HNRNPC: variants seen among roughly 807,000 people sequenced by gnomAD.
The protein encoded by HNRNPC is heterogeneous nuclear ribonucleoproteins C1/C2.
HNRNPC carries 3 observed loss-of-function variants against 33.2 expected under a neutral mutation model. The observed-to-expected ratio is 0.09, with a 90% CI of 0.04 to 0.23. HNRNPC has a LOEUF of 0.23. Among genes scored for constraint, HNRNPC ranks in the 10% least tolerant of loss-of-function variants. HNRNPC has a pLI of 1.00. For synonymous variants in HNRNPC, 121 were observed against 126.7 expected, an observed-to-expected ratio of 0.96 and a Z score of 0.30; for missense variants, 143 against 366.7, an observed-to-expected ratio of 0.39 and a Z score of 4.98.
At position 21,239,508 on chromosome 14, in the gene HNRNPC, C is replaced by A. The variant is rs1008958990; in HGVS notation, c.-36-5279G>T. ...AAAAAATGTCCTCAACAAATGAGAA[C>A]CTTAGGTGCTATTTCTTTCTTAAAC... On this transcript the variant is annotated intron_variant, in intron 2 of 8. Coordinates refer to ENST00000553300, the MANE Select transcript of HNRNPC (RefSeq NM_004500.4). Among the ~76,000 whole-genome samples, 6 of 151,802 alleles carry A rather than the reference C, an allele frequency of 4.0e-5. No individual in the cohort carries two copies. The South Asian group carries it at 1.2e-3, about 32-fold the overall frequency.
chr14:21,221,053 C>CTCCTGCCTCAGCAATAGAGCAAGA (rs1892776606), intron 5 of HNRNPC, among the ~76,000 whole-genome samples: 1 of 152,170 alleles, frequency 6.6e-6, no homozygotes, highest in Non-Finnish European at 1.5e-5. Context: ...TGCCACTGCA[C>CTCCTGCCTCAGCAATAGAGCAAGA]TCCTGCCTCA....
intron 1 of HNRNPC, among the ~76,000 whole-genome samples, chr14:21,265,715 G>A (rs11156907): frequency 6.6e-6 from 1 of 152,020 alleles, no homozygotes; most frequent in Non-Finnish European, 1.5e-5. Flanking sequence ...GAGGCAGAGG[G>A]TGCAGTGAGC....
intron 3 of HNRNPC, chr14:21,231,448 C>T (rs1323181360): frequency 6.6e-6 from 3 of 454,980 alleles, no homozygotes; most frequent in African/African-American, 2.0e-5. Context: ...CCTAGACCTC[C>T]GAAGCTCAGG....
At chr14:21,227,583 T>C (rs999987363) in intron 5 of HNRNPC, among the ~76,000 whole-genome samples, 4 of 152,362 alleles carry the variant, frequency 2.6e-5, no homozygotes, top group South Asian at 4.1e-4. Flanking sequence ...TCAAACCTAA[T>C]ATATTGTTGT....
At chr14:21,267,935 T>C (rs951157324) in intron 1 of HNRNPC, among the ~76,000 whole-genome samples, 3 of 152,220 alleles carry the variant, frequency 2.0e-5, no homozygotes, top group African/African-American at 7.2e-5. Context: ...TGTAATAATA[T>C]ACATGTTTAA....
chr14:21,246,721 A>G (rs1896017848), intron 2 of HNRNPC, among the ~76,000 whole-genome samples: 1 of 152,208 alleles, frequency 6.6e-6, no homozygotes, highest in Non-Finnish European at 1.5e-5. Flanking sequence ...CTGTCAACAC[A>G]TACAGGAACA....
chr14:21,234,908 A>G (rs906973435), intron 2 of HNRNPC: 2 of 145,046 alleles, frequency 1.4e-5, no homozygotes, highest in African/African-American at 2.4e-5. Flanking sequence ...TACAGACTGC[A>G]ATGACTCGAA....
intron 5 of HNRNPC, among the ~76,000 whole-genome samples, chr14:21,225,186 C>T (rs1485862905): frequency 2.6e-5 from 4 of 151,380 alleles, no homozygotes; most frequent in South Asian, 4.2e-4. Context: ...TTTGGGAGGG[C>T]GAGGTGGGCA....
At chr14:21,244,104 C>G (rs1895674532) in intron 2 of HNRNPC, among the ~76,000 whole-genome samples, 1 of 151,940 alleles carries the variant, frequency 6.6e-6, no homozygotes, top group South Asian at 2.1e-4. Context: ...TCTTCGATCA[C>G]TGCAACCTCT....
intron 6 of HNRNPC, chr14:21,212,136 C>CT (rs1427971831): frequency 4.1e-6 from 2 of 485,968 alleles, no homozygotes; most frequent in East Asian, 7.3e-5. Flanking sequence ...TAGATCAGGG[C>CT]TGTCGCTATG....
chr14:21,246,141 A>C (rs1895954453), intron 2 of HNRNPC, among the ~76,000 whole-genome samples: 1 of 152,064 alleles, frequency 6.6e-6, no homozygotes, highest in Non-Finnish European at 1.5e-5. Context: ...TTATAATCTT[A>C]AGGGGCCATA....
At position 21,234,227 on chromosome 14, in the gene HNRNPC, A is replaced by G; in HGVS notation, c.-34T>C. 6.2e-7 allele frequency: 1 copy of G among 1,607,754 alleles called. No homozygotes were observed. The highest frequency in any genetic ancestry group is 8.5e-7 in the Non-Finnish European group (1 of 1,176,564). Reference sequence around the variant, plus strand: ...ATGGTAAGGTTTCTCACAAAGCCGAAAACTGTAAAGCAAAAAAAAGTATAC... The same window carrying G: ...ATGGTAAGGTTTCTCACAAAGCCGAGAACTGTAAAGCAAAAAAAAGTATAC... On this transcript the variant is annotated splice_region_variant and 5_prime_UTR_variant, in exon 3 of 9. Transcript: ENST00000553300.
chr14:21,227,203 T>C (rs1261931383), intron 5 of HNRNPC, among the ~76,000 whole-genome samples: 37 of 151,624 alleles, frequency 2.4e-4, no homozygotes, highest in Non-Finnish European at 2.5e-4. Flanking sequence ...CTCTCCCCAC[T>C]AAACAAACAC....
At chr14:21,227,522 G>A (rs1446685337) in intron 5 of HNRNPC, among the ~76,000 whole-genome samples, 1 of 152,036 alleles carries the variant, frequency 6.6e-6, no homozygotes, top group Admixed American at 6.5e-5. Flanking sequence ...AAATAATTGC[G>A]GTTTTGCTTT....
chr14:21,211,088 G>T lies in HNRNPC; in HGVS notation c.*135C>A. The T allele has an allele frequency of 2.0e-6, 2 of 976,194 alleles. No individual in the cohort carries two copies. The highest frequency in any genetic ancestry group is 3.1e-6 in the Non-Finnish European group (2 of 640,976). 60.5% of individuals were successfully genotyped at this position (976,194 alleles called of 1,614,324 possible). ...GGGGCAATATGAATTAATGAACATG[G>T]GAAGGACAAGGATGGGGAGAACAGT... On this transcript the variant is annotated 3_prime_UTR_variant, in exon 9 of 9. Transcript: ENST00000553300.
At chr14:21,248,636 A>G (rs1896271043) in intron 2 of HNRNPC, among the ~76,000 whole-genome samples, 1 of 152,238 alleles carries the variant, frequency 6.6e-6, no homozygotes, top group Non-Finnish European at 1.5e-5. Flanking sequence ...CTAAAGGTAT[A>G]TGAAGATTAA....
At chr14:21,238,722 A>T (rs1895013238) in intron 2 of HNRNPC, among the ~76,000 whole-genome samples, 1 of 152,046 alleles carries the variant, frequency 6.6e-6, no homozygotes, top group Non-Finnish European at 1.5e-5. Flanking sequence ...TCTTTTTTTA[A>T]TGCAAGCTAA....
chr14:21,260,788 C>A (rs1203104534), intron 2 of HNRNPC, among the ~76,000 whole-genome samples: 2 of 151,908 alleles, frequency 1.3e-5, no homozygotes, highest in Non-Finnish European at 2.9e-5. Context: ...CATGGTGAAA[C>A]CTCGTCACTA....
At chr14:21,254,428 G>C (rs187075155) in intron 2 of HNRNPC, 5 of 151,932 alleles carry the variant, frequency 3.3e-5, no homozygotes, top group African/African-American at 1.2e-4. Flanking sequence ...GTTTATATAA[G>C]CCCCAAAAAG....
Sources: gnomAD v4.1 joint callset for allele counts (sites outside exome capture counted in the v4.1 genomes callset) on GRCh38, gnomAD v4.1.1 for gene constraint, MANE v1.5 for transcripts, NCBI Gene and HGNC (gene_info 2026-07-23, HGNC 2026-07-21) for gene names.